RPTOR: variants seen among roughly 807,000 people sequenced by gnomAD.
RPTOR encodes regulatory-associated protein of mTOR.
In RPTOR, 21 loss-of-function variants were observed where a neutral mutation model predicts 169.9. The ratio of observed to expected loss-of-function variants is 0.12; its 90% CI spans 0.09 to 0.18. The LOEUF (loss-of-function observed/expected upper bound fraction) is 0.18. RPTOR is among the 10% of genes least tolerant of loss of function. The pLI, the probability that RPTOR is intolerant of heterozygous loss-of-function variation, is 1.00. For missense variants in RPTOR, 1,133 were observed against 1,855.9 expected, an observed-to-expected ratio of 0.61 and a Z score of 7.16; for synonymous variants, 732 against 753.2, an observed-to-expected ratio of 0.97 and a Z score of 0.46.
chr17:80,576,280 T>G (rs1480297136), intron 1 of RPTOR, among the ~76,000 whole-genome samples: 1 of 152,220 alleles, frequency 6.6e-6, no homozygotes, highest in Non-Finnish European at 1.5e-5. Context: ...TTTTATAGAT[T>G]GAAAATATTT....
intron 20 of RPTOR, among the ~76,000 whole-genome samples, chr17:80,901,248 A>G (rs1238479995): frequency 1.3e-5 from 2 of 152,160 alleles, no homozygotes; most frequent in African/African-American, 4.8e-5. Context: ...GGAAGCACAC[A>G]GCAGCCTGGG....
intron 13 of RPTOR, among the ~76,000 whole-genome samples, chr17:80,871,340 A>G (rs1325377004): frequency 6.6e-6 from 1 of 152,090 alleles, no homozygotes; most frequent in Non-Finnish European, 1.5e-5. Context: ...CGATCTCCTG[A>G]CTGCGTGAGC....
chr17:80,724,858 C>T (rs558109920), intron 4 of RPTOR, among the ~76,000 whole-genome samples: 1 of 152,302 alleles, frequency 6.6e-6, no homozygotes, highest in South Asian at 2.1e-4. Flanking sequence ...AGCTGGAGCA[C>T]GGGGTGGCGG....
At chr17:80,809,929 C>T (rs1000291757) in intron 7 of RPTOR, among the ~76,000 whole-genome samples, 12 of 152,010 alleles carry the variant, frequency 7.9e-5, no homozygotes, top group African/African-American at 2.9e-4. Flanking sequence ...CCCAGCTACT[C>T]GGGAGGCTGA....
rs2065961551 is a variant in RPTOR, at chr17:80,687,965, G to C, written c.349-19876G>C. Among the ~76,000 whole-genome samples the C allele has an allele frequency of 2.0e-5, 3 of 152,274 alleles. No homozygotes were observed. The South Asian group carries it at 6.2e-4, about 32-fold the overall frequency. ...AAGATGTGGCCGGCTTCTTGTCCCG[G>C]TACTGCCTGAAGCTTCACCTCAGCA... On this transcript the variant is annotated intron_variant, in intron 3 of 33. Transcript: ENST00000306801.
At chr17:80,587,910 T>C (rs1044629272) in intron 1 of RPTOR, among the ~76,000 whole-genome samples, 1 of 152,188 alleles carries the variant, frequency 6.6e-6, no homozygotes, top group Non-Finnish European at 1.5e-5. Flanking sequence ...TTGTGCCTTT[T>C]GACCAACATC....
intron 7 of RPTOR, among the ~76,000 whole-genome samples, chr17:80,793,707 G>A (rs991714466): frequency 2.6e-5 from 4 of 152,216 alleles, no homozygotes; most frequent in East Asian, 3.8e-4. Flanking sequence ...CCCTGCCAGC[G>A]CGTGTTGAGC....
chr17:80,726,619 G>A lies in RPTOR; in HGVS notation c.508-3941G>A, dbSNP rs1415437590. ...CCTGGGACCCTCGGGGTTGTACCTA[G>A]AAGGTAGTAAAGATGACAGCAGCCC... On this transcript the variant is annotated intron_variant, in intron 4 of 33. Coordinates refer to ENST00000306801, the MANE Select transcript of RPTOR (RefSeq NM_020761.3). This position sits in a 1 kb window ranked among gnomAD's most constrained non-coding sequence, Gnocchi z 4.5. Among the ~76,000 whole-genome samples the A allele has an allele frequency of 1.3e-5, 2 of 152,206 alleles. No individual in the cohort carries two copies. Among genetic ancestry groups the A allele is most frequent in the Non-Finnish European group, 2.9e-5 (2 of 68,032 alleles).
intron 20 of RPTOR, 64 bp from the exon 21 acceptor site, chr17:80,908,747 G>A: frequency 8.4e-7 from 1 of 1,194,034 alleles, no homozygotes; most frequent in Non-Finnish European, 1.2e-6. Flanking sequence ...AGAAAATGCA[G>A]CCGCCTTAGG....
At position 80,964,972 on chromosome 17, in the gene RPTOR, A is replaced by T. The variant is rs1175619741; in HGVS notation, c.*642A>T. 3 of 233,358 alleles carry T rather than the reference A, an allele frequency of 1.3e-5. No individual in the cohort carries two copies. Among genetic ancestry groups the T allele is most frequent in the African/African-American group, 2.2e-5 (1 of 45,344 alleles). The allele number at this position is 233,358 out of a possible 1,614,324, so 14.5% of individuals were successfully genotyped here. Reference sequence around the variant, plus strand: ...GCTGTCCTTGGCCGCTGGCAGCATCACTGAGCAGGAAGCGCACAGCCCACC... The same window carrying T: ...GCTGTCCTTGGCCGCTGGCAGCATCTCTGAGCAGGAAGCGCACAGCCCACC... On this transcript the variant is annotated 3_prime_UTR_variant, in exon 34 of 34. Coordinates refer to ENST00000306801, the MANE Select transcript of RPTOR (RefSeq NM_020761.3).
chr17:80,774,261 G>A (rs1396817967), intron 6 of RPTOR: 20 of 985,274 alleles, frequency 2.0e-5, no homozygotes, highest in South Asian at 4.7e-5. Flanking sequence ...CTCACGCTCC[G>A]GTGTGACACA....
At chr17:80,849,597 G>A (rs1328199389) in intron 11 of RPTOR, among the ~76,000 whole-genome samples, 2 of 152,184 alleles carry the variant, frequency 1.3e-5, no homozygotes, top group Admixed American at 1.3e-4. Context: ...TCAGCTCACT[G>A]CAACCTCTGC....
intron 7 of RPTOR, among the ~76,000 whole-genome samples, chr17:80,816,949 T>C (rs1015305968): frequency 3.3e-5 from 5 of 152,200 alleles, no homozygotes; most frequent in African/African-American, 1.2e-4. Context: ...CTGGGTCTGG[T>C]TTCTGCCACT....
At chr17:80,752,307 G>A (rs1292802329) in intron 5 of RPTOR, among the ~76,000 whole-genome samples, 2 of 152,226 alleles carry the variant, frequency 1.3e-5, no homozygotes, top group African/African-American at 4.8e-5. Context: ...GGGCCCATGG[G>A]GCCTCCCTTC....
chr17:80,681,969 C>T (rs563348656), intron 3 of RPTOR, among the ~76,000 whole-genome samples: 25 of 152,078 alleles, frequency 1.6e-4, no homozygotes, highest in Non-Finnish European at 1.2e-4. Flanking sequence ...TGGAATCTTC[C>T]TGTATTTGAT....
At chr17:80,637,453 C>G (rs2065516961) in intron 2 of RPTOR, among the ~76,000 whole-genome samples, 1 of 152,196 alleles carries the variant, frequency 6.6e-6, no homozygotes, top group Admixed American at 6.5e-5. Flanking sequence ...CCTGCTCCGC[C>G]CCCCTCTGGA....
At position 80,822,279 on chromosome 17, in the gene RPTOR, C is replaced by T. The variant is rs192352870; in HGVS notation, c.969C>T (p.Ile323=). 2.5e-6 allele frequency: 4 copies of T among 1,614,176 alleles called. No individual in the cohort carries two copies. The highest frequency in any genetic ancestry group is 4.5e-5 in the East Asian group (2 of 44,874). Residue 323 remains isoleucine (I), a synonymous_variant, in exon 8 of 34, where the codon ATC becomes ATT. Coordinates refer to ENST00000306801, the MANE Select transcript of RPTOR (RefSeq NM_020761.3). ...NWIFTAITDT[I]AWNVLPRDLF... Reference sequence around the variant, plus strand: ...TCTTCACAGCCATCACAGACACCATCGCGTGGAACGTGCTCCCCCGGGGTG... The same window carrying T: ...TCTTCACAGCCATCACAGACACCATTGCGTGGAACGTGCTCCCCCGGGGTG...
At chr17:80,818,703 G>A (rs1235569233) in intron 7 of RPTOR, among the ~76,000 whole-genome samples, 1 of 152,198 alleles carries the variant, frequency 6.6e-6, no homozygotes, top group African/African-American at 2.4e-5. Context: ...CTGGGCAGAT[G>A]ACTCTGTCTG....
At chr17:80,622,206 G>C (rs1255844326) in intron 1 of RPTOR, among the ~76,000 whole-genome samples, 1 of 152,188 alleles carries the variant, frequency 6.6e-6, no homozygotes, top group Non-Finnish European at 1.5e-5. Context: ...ACTTGCGCCA[G>C]GGTTTGAATC....
Sources: gnomAD v4.1 joint callset for allele counts (sites outside exome capture counted in the v4.1 genomes callset) on GRCh38, gnomAD v4.1.1 for gene constraint, Gnocchi (gnomAD v3.1) non-coding constraint, MANE v1.5 for transcripts, NCBI Gene and HGNC (gene_info 2026-07-23, HGNC 2026-07-21) for gene names.